LPP: variants seen among roughly 807,000 people sequenced by gnomAD.
LPP encodes the protein lipoma-preferred partner.
Under a neutral mutation model 60.4 loss-of-function variants are expected in LPP, and 38 were observed. The observed-to-expected ratio is 0.63, with a 90% CI of 0.49 to 0.83. The LOEUF (loss-of-function observed/expected upper bound fraction) is 0.83, where lower values mean the gene tolerates loss of function less well. Among genes scored for constraint, LPP ranks in the 40% least tolerant of loss-of-function variants. The pLI is 0.00. For synonymous variants in LPP, 328 were observed against 290.8 expected (o/e 1.13, Z -1.30); for missense variants, 902 against 783.6 (o/e 1.15, Z -1.80).
chr3:188,658,447 G>T (rs1269208558), intron 7 of LPP, among the ~76,000 whole-genome samples: 1 of 152,020 alleles, frequency 6.6e-6, no homozygotes, highest in African/African-American at 2.4e-5. Flanking sequence ...CATGCAACTG[G>T]CTTAACAAAC....
chr3:188,249,108 C>T (rs1728154312), intron 2 of LPP, among the ~76,000 whole-genome samples: 1 of 152,004 alleles, frequency 6.6e-6, no homozygotes. Flanking sequence ...ATTAAAATAG[C>T]CAGGTGCTAT....
chr3:188,382,103 A>G (rs879420383), intron 3 of LPP, among the ~76,000 whole-genome samples: 15 of 152,208 alleles, frequency 9.9e-5, no homozygotes, highest in Non-Finnish European at 1.3e-4. Flanking sequence ...ATGTTTGAAG[A>G]TAGAGAAAAA....
chr3:188,827,301 A>G (rs768916888), intron 9 of LPP, among the ~76,000 whole-genome samples: 2 of 152,214 alleles, frequency 1.3e-5, no homozygotes, highest in Non-Finnish European at 2.9e-5. Context: ...TAAGGCTGGA[A>G]TAATAGTGAG....
At position 188,643,104 on chromosome 3, in the gene LPP, A is replaced by G. The variant is rs547327343; in HGVS notation, c.1113+33260A>G. Among the ~76,000 whole-genome samples the G allele has an allele frequency of 2.6e-4, 39 of 152,312 alleles. No homozygotes were observed. The South Asian group carries it at 4.4e-3, about 17-fold the overall frequency. ...TGAGAGGAAACTTTTGATTCTTACT[A>G]CATAGGTTCCTTTTAGAATTTTGAA... On this transcript the variant is annotated intron_variant, in intron 7 of 11. Transcript: ENST00000617246.
chr3:188,374,069 C>G (rs978191925), intron 3 of LPP, among the ~76,000 whole-genome samples: 1 of 152,070 alleles, frequency 6.6e-6, no homozygotes, highest in African/African-American at 2.4e-5. Flanking sequence ...TGGCCTATAT[C>G]TCTGTTTTGG....
intron 8 of LPP, among the ~76,000 whole-genome samples, chr3:188,748,811 A>C (rs1434425549): frequency 6.6e-6 from 1 of 152,186 alleles, no homozygotes; most frequent in Non-Finnish European, 1.5e-5. Flanking sequence ...AAGACGAAGA[A>C]GTAACAAAGC....
chr3:188,381,741 G>A (rs1029042326), intron 3 of LPP, among the ~76,000 whole-genome samples: 6 of 152,162 alleles, frequency 3.9e-5, no homozygotes, highest in Non-Finnish European at 8.8e-5. Context: ...TATAGTTAAA[G>A]CTGGAGATTA....
chr3:188,252,676 G>T (rs1470103652), intron 2 of LPP, among the ~76,000 whole-genome samples: 2 of 152,140 alleles, frequency 1.3e-5, no homozygotes, highest in Non-Finnish European at 2.9e-5. Flanking sequence ...CCTATTAGGA[G>T]TAAAGTTAAG....
chr3:188,407,079 TAAAA>T (rs5855193), intron 4 of LPP, among the ~76,000 whole-genome samples: 1 of 143,604 alleles, frequency 7.0e-6, no homozygotes, highest in South Asian at 2.2e-4. Flanking sequence ...TAACTTAAAA[TAAAA>T]AAAAAAAAAA....
chr3:188,579,669 C>A (rs1177008594), intron 6 of LPP, among the ~76,000 whole-genome samples: 1 of 150,268 alleles, frequency 6.7e-6, no homozygotes, highest in African/African-American at 2.5e-5. Flanking sequence ...TTTTTTTAAA[C>A]CCCAGTGAGG....
At chr3:188,682,547 T>C (rs1364673608) in intron 7 of LPP, among the ~76,000 whole-genome samples, 1 of 152,192 alleles carries the variant, frequency 6.6e-6, no homozygotes, top group African/African-American at 2.4e-5. Context: ...GCATTTGTTA[T>C]GGTTACCTTG....
chr3:188,413,495 AG>A (rs1785399331), intron 4 of LPP, among the ~76,000 whole-genome samples: 1 of 152,160 alleles, frequency 6.6e-6, no homozygotes. Context: ...ACTGTAATGA[AG>A]CTCGGGTTTG....
chr3:188,699,842 G>A (rs746756500), intron 7 of LPP, among the ~76,000 whole-genome samples: 12 of 152,132 alleles, frequency 7.9e-5, no homozygotes, highest in Non-Finnish European at 1.6e-4. Context: ...TTCCATTTAA[G>A]CAGTGAGATG....
intron 2 of LPP, among the ~76,000 whole-genome samples, chr3:188,253,398 A>G (rs371391389): frequency 6.6e-6 from 1 of 152,226 alleles, no homozygotes; most frequent in African/African-American, 2.4e-5. Flanking sequence ...TAGATCTTTA[A>G]TTCATCTGCA....
chr3:188,418,241 G>C (rs1786861347), intron 4 of LPP, among the ~76,000 whole-genome samples: 1 of 152,112 alleles, frequency 6.6e-6, no homozygotes, highest in African/African-American at 2.4e-5. Context: ...CTTCCCTTAA[G>C]TATTGGTAAT....
At chr3:188,197,246 A>G (rs1471669966) in intron 1 of LPP, among the ~76,000 whole-genome samples, 1 of 152,124 alleles carries the variant, frequency 6.6e-6, no homozygotes, top group Admixed American at 6.5e-5. Flanking sequence ...GGAGACCCCT[A>G]TAGTCATGGT....
intron 7 of LPP, among the ~76,000 whole-genome samples, chr3:188,617,510 C>A (rs984309909): frequency 2.6e-5 from 4 of 152,066 alleles, no homozygotes; most frequent in African/African-American, 9.7e-5. Context: ...AAAATGGTTC[C>A]GATTCTGGTG....
chr3:188,560,229 G>T (rs1830357626), intron 6 of LPP, among the ~76,000 whole-genome samples: 1 of 152,060 alleles, frequency 6.6e-6, no homozygotes, highest in African/African-American at 2.4e-5. Flanking sequence ...ATGGTCCAGG[G>T]TCTCTGACGC....
intron 8 of LPP, among the ~76,000 whole-genome samples, chr3:188,721,877 G>A (rs1716559008): frequency 1.3e-5 from 2 of 152,026 alleles, no homozygotes. Context: ...CTCTTCCATA[G>A]GTCTCATCTC....
Sources: allele counts gnomAD v4.1 joint callset (sites outside exome capture counted in the v4.1 genomes callset), GRCh38; gene constraint gnomAD v4.1.1; transcripts MANE v1.5; gene names NCBI Gene and HGNC (gene_info 2026-07-23, HGNC 2026-07-21).